The following PLCB4 variants were observed in gnomAD, a reference collection of about 807,000 sequenced individuals.
PLCB4 encodes phospholipase C beta 4.
In PLCB4, 77 loss-of-function variants were observed where a neutral mutation model predicts 178.8. The observed-to-expected ratio is 0.43, with a 90% confidence interval of 0.36 to 0.52. PLCB4 has a LOEUF of 0.52. PLCB4 is among the 20% of genes least tolerant of loss of function. The pLI is 0.00. For synonymous variants in PLCB4, 496 were observed against 490.8 expected, an observed-to-expected ratio of 1.01 and a Z score of -0.14; for missense variants, 1,024 against 1,453.4, an observed-to-expected ratio of 0.70 and a Z score of 4.80.
intron 1 of PLCB4, among the ~76,000 whole-genome samples, chr20:9,093,315 A>G (rs2090765617): frequency 6.6e-6 from 1 of 152,128 alleles, no homozygotes; most frequent in Admixed American, 6.6e-5. Context: ...CTCGTTCGTA[A>G]TTATTAACCC....
intron 3 of PLCB4, among the ~76,000 whole-genome samples, chr20:9,276,244 G>A (rs1240353741): frequency 1.3e-5 from 2 of 152,034 alleles, no homozygotes; most frequent in Admixed American, 6.6e-5. Flanking sequence ...TTTTTAGCAC[G>A]TAGCTGCCAA....
chr20:9,365,909 A>G (rs746325298), intron 9 of PLCB4, among the ~76,000 whole-genome samples: 1 of 152,136 alleles, frequency 6.6e-6, no homozygotes, highest in Non-Finnish European at 1.5e-5. Context: ...TGTCTTGAGA[A>G]GTGTGATGCC....
At chr20:9,387,423 A>G (rs373990723) in intron 14 of PLCB4, 40 bp from the exon 15 acceptor site, 3 of 991,262 alleles carry the variant, frequency 3.0e-6, no homozygotes, top group African/African-American at 3.2e-5. Context: ...ACACTATTTC[A>G]TTGTAAAGTT....
chr20:9,475,130 C>T (rs2044460807), intron 38 of PLCB4, among the ~76,000 whole-genome samples: 1 of 152,128 alleles, frequency 6.6e-6, no homozygotes, highest in African/African-American at 2.4e-5. Flanking sequence ...AGGAAGGGCA[C>T]AGTGAAAGGT....
intron 2 of PLCB4, among the ~76,000 whole-genome samples, chr20:9,097,247 T>TC (rs879766682): frequency 1.3e-5 from 2 of 149,992 alleles, no homozygotes; most frequent in African/African-American, 5.0e-5. Flanking sequence ...TTTTTTTTTT[T>TC]TTTTTTGGTT....
intron 28 of PLCB4, among the ~76,000 whole-genome samples, chr20:9,426,400 C>A (rs535162822): frequency 6.6e-6 from 1 of 152,006 alleles, no homozygotes; most frequent in Non-Finnish European, 1.5e-5. Flanking sequence ...TTATTTGAGA[C>A]GGAGTTTTGC....
At chr20:9,254,668 A>G (rs897297353) in intron 3 of PLCB4, among the ~76,000 whole-genome samples, 3 of 152,216 alleles carry the variant, frequency 2.0e-5, no homozygotes, top group Non-Finnish European at 4.4e-5. Flanking sequence ...ACTGTACTCC[A>G]GTCTGGGCAA....
At chr20:9,192,535 T>A (rs2093418434) in intron 2 of PLCB4, among the ~76,000 whole-genome samples, 2 of 150,094 alleles carry the variant, frequency 1.3e-5, no homozygotes, top group Admixed American at 1.3e-4. Flanking sequence ...TTTCTTTTTT[T>A]TTTTTTTTGA....
At chr20:9,421,048 AT>A (rs2040596560) in intron 26 of PLCB4, among the ~76,000 whole-genome samples, 1 of 146,330 alleles carries the variant, frequency 6.8e-6, no homozygotes, top group Non-Finnish European at 1.5e-5. Flanking sequence ...ATTCATATAT[AT>A]TTTTTCTTTG....
At chr20:9,421,141 A>G (rs1297851588) in intron 26 of PLCB4, among the ~76,000 whole-genome samples, 156 bp from the exon 27 acceptor site, 1 of 152,120 alleles carries the variant, frequency 6.6e-6, no homozygotes, top group Non-Finnish European at 1.5e-5. Flanking sequence ...TTGTTCGATA[A>G]TGTTTTGGTT....
chr20:9,302,253 T>A (rs1157342761), intron 3 of PLCB4, among the ~76,000 whole-genome samples: 1 of 152,078 alleles, frequency 6.6e-6, no homozygotes, highest in African/African-American at 2.4e-5. Context: ...GGGTGGCCAG[T>A]TCCTCCCCTC....
chr20:9,406,490 C>CA (rs1255925813), intron 21 of PLCB4, among the ~76,000 whole-genome samples: 1 of 148,180 alleles, frequency 6.7e-6, no homozygotes, highest in African/African-American at 2.5e-5. Context: ...ACAAATTGAC[C>CA]ATTTTTTTTT....
At chr20:9,290,328 C>G (rs905706649) in intron 3 of PLCB4, among the ~76,000 whole-genome samples, 2 of 152,070 alleles carry the variant, frequency 1.3e-5, no homozygotes, top group African/African-American at 4.8e-5. Flanking sequence ...CTCTCTTTTT[C>G]CCCAGCCTGC....
intron 28 of PLCB4, among the ~76,000 whole-genome samples, chr20:9,428,059 G>C (rs1222912572): frequency 1.3e-5 from 2 of 151,992 alleles, no homozygotes; most frequent in African/African-American, 4.8e-5. Flanking sequence ...CTCTGCCCAG[G>C]GTTTTCATAG....
intron 19 of PLCB4, among the ~76,000 whole-genome samples, chr20:9,397,284 A>G (rs1277909354): frequency 6.6e-6 from 1 of 152,216 alleles, no homozygotes; most frequent in African/African-American, 2.4e-5. Context: ...AATTGCAGCA[A>G]TTCAGCCCCA....
At chr20:9,405,410 A>G in intron 21 of PLCB4, 62 bp downstream of exon 21, 1 of 983,206 alleles carries the variant, frequency 1.0e-6, no homozygotes, top group Non-Finnish European at 1.5e-6. Flanking sequence ...AAATCTTCAA[A>G]GGAAGGAATC....
chr20:9,384,091 T>G, intron 13 of PLCB4, 110 bp from the exon 14 acceptor site: 5 of 770,406 alleles, frequency 6.5e-6, no homozygotes, highest in Non-Finnish European at 1.1e-5. Flanking sequence ...AAAGAGACTG[T>G]GAAGACGTTT....
In PLCB4 at chr20:9,451,403, A is replaced by C. The variant is rs76523912; in HGVS notation, c.2881-1944A>C. Among the ~76,000 whole-genome samples, 122 of 152,312 alleles carry C rather than the reference A, an allele frequency of 8.0e-4. 3 individuals carry two copies. The East Asian group carries it at 0.018, about 22-fold the overall frequency. ...AATGATATTTGCAAGATAATATAGG[A>C]CTGTGGCACTTCTGATATATTTTGA... On this transcript the variant is annotated intron_variant, in intron 32 of 39. Coordinates refer to ENST00000378473, the MANE Select transcript of PLCB4 (RefSeq NM_001377142.1).
intron 2 of PLCB4, among the ~76,000 whole-genome samples, chr20:9,207,939 T>G (rs1399538038): frequency 6.6e-6 from 1 of 152,198 alleles, no homozygotes. Context: ...ATAGACTTGC[T>G]GAACAAGGCA....
Sources: allele counts gnomAD v4.1 joint callset (sites outside exome capture counted in the v4.1 genomes callset), GRCh38; gene constraint gnomAD v4.1.1; transcripts MANE v1.5; gene names NCBI Gene and HGNC (gene_info 2026-07-23, HGNC 2026-07-21).